RABGEF1: variants seen among roughly 807,000 people sequenced by gnomAD.
RABGEF1 encodes rab5 GDP/GTP exchange factor.
RABGEF1 carries 26 observed loss-of-function variants against 57.3 expected under a neutral mutation model. The observed-to-expected ratio is 0.45, with a 90% CI of 0.33 to 0.63. The LOEUF (loss-of-function observed/expected upper bound fraction) is 0.63, where lower values mean the gene tolerates loss of function less well. Among genes scored for constraint, RABGEF1 ranks in the 20% least tolerant of loss-of-function variants. RABGEF1 has a pLI of 0.02. For missense variants in RABGEF1, 464 were observed against 607.6 expected (o/e 0.76, Z 2.48); for synonymous variants, 185 against 210.7 (o/e 0.88, Z 1.06).
chr7:66,717,758 C>A lies in RABGEF1; in HGVS notation c.-815+5534C>A, dbSNP rs1391020262. On this transcript the variant is annotated intron_variant and NMD_transcript_variant, in intron 2 of 9. Transcript: ENST00000607882. ...TGTATTTTTCAGAGATAGGGTTTTG[C>A]TCTGTTGGCCAGGCTGGTCTCAAAT... 2.0e-5 allele frequency among the ~76,000 whole-genome samples: 3 copies of A among 152,024 alleles called. No individual in the cohort carries two copies. In the East Asian group the frequency reaches 5.8e-4, roughly 29 times the overall value.
intron 2 of RABGEF1, among the ~76,000 whole-genome samples, chr7:66,729,531 C>T (rs1013272827): frequency 6.6e-6 from 1 of 152,136 alleles, no homozygotes; most frequent in African/African-American, 2.4e-5. Context: ...TCCTCACCTT[C>T]AACCTCACCT....
At chr7:66,672,245 AC>A in the RABGEF1 span, among the ~76,000 whole-genome samples, 2 of 136,976 alleles carry the variant, frequency 1.5e-5, no homozygotes, top group Admixed American at 1.5e-4. Context: ...ACGTGGTGAA[AC>A]CCCATCTCTA....
intron 1 of RABGEF1, among the ~76,000 whole-genome samples, chr7:66,752,018 C>T (rs530656180): frequency 6.6e-6 from 1 of 151,970 alleles, no homozygotes; most frequent in Admixed American, 6.6e-5. Context: ...GCAACAAAGA[C>T]CCCATCTATA....
At chr7:66,705,324 C>T (rs1793851859) in intron 1 of RABGEF1, among the ~76,000 whole-genome samples, 1 of 151,922 alleles carries the variant, frequency 6.6e-6, no homozygotes, top group South Asian at 2.1e-4. Flanking sequence ...GAAATCCCAC[C>T]TACTAGGGAG....
intron 1 of RABGEF1, among the ~76,000 whole-genome samples, chr7:66,769,941 T>C (rs1806657420): frequency 1.3e-5 from 2 of 152,192 alleles, no homozygotes; most frequent in African/African-American, 4.8e-5. Flanking sequence ...GCCCTCCCTC[T>C]TTCTGTCATC....
chr7:66,769,526 T>G (rs1272202726), intron 1 of RABGEF1, among the ~76,000 whole-genome samples: 3 of 152,182 alleles, frequency 2.0e-5, no homozygotes, highest in Non-Finnish European at 4.4e-5. Flanking sequence ...AGGAGAACCT[T>G]GTAAAAATAA....
intron 4 of RABGEF1, among the ~76,000 whole-genome samples, chr7:66,791,169 CTTTT>C (rs1812573772): frequency 1.3e-5 from 2 of 152,240 alleles, no homozygotes; most frequent in South Asian, 4.1e-4. Flanking sequence ...GGATTTCTGG[CTTTT>C]TTGTTTGTTT....
intron 1 of RABGEF1, among the ~76,000 whole-genome samples, chr7:66,758,942 A>G (rs944013330): frequency 6.6e-6 from 1 of 152,240 alleles, no homozygotes; most frequent in Non-Finnish European, 1.5e-5. Flanking sequence ...AGCTGTAAAT[A>G]CAGTACAGAC....
chr7:66,727,893 G>A (rs527640805), intron 2 of RABGEF1, among the ~76,000 whole-genome samples: 164 of 152,284 alleles, frequency 1.1e-3, no homozygotes, highest in East Asian at 5.2e-3. Flanking sequence ...ACGCGTGGCT[G>A]CCTCTGGAGC....
the RABGEF1 span, among the ~76,000 whole-genome samples, chr7:66,659,451 C>CAAA: frequency 8.7e-6 from 1 of 114,952 alleles, no homozygotes; most frequent in Non-Finnish European, 1.8e-5. Context: ...GACTCCATCT[C>CAAA]AAAAAAAAAA....
At chr7:66,804,315 A>G (rs868705861) in intron 7 of RABGEF1, among the ~76,000 whole-genome samples, 3 of 152,324 alleles carry the variant, frequency 2.0e-5, no homozygotes, top group Middle Eastern at 3.4e-3. Flanking sequence ...AAAAAGCAGT[A>G]TGCAAATTGG....
At chr7:66,720,592 T>A (rs563119366) in intron 2 of RABGEF1, among the ~76,000 whole-genome samples, 24 of 152,102 alleles carry the variant, frequency 1.6e-4, no homozygotes, top group African/African-American at 5.3e-4. Context: ...TTAAAGCTAA[T>A]ATTTTAATGG....
intron 2 of RABGEF1, among the ~76,000 whole-genome samples, chr7:66,731,579 T>C (rs1797321790): frequency 6.6e-6 from 1 of 151,440 alleles, no homozygotes; most frequent in Non-Finnish European, 1.5e-5. Context: ...TAGCTGGGTA[T>C]GGTGGCACAT....
At chr7:66,672,926 G>GT in the RABGEF1 span, among the ~76,000 whole-genome samples, 1 of 150,216 alleles carries the variant, frequency 6.7e-6, no homozygotes, top group Non-Finnish European at 1.5e-5. Flanking sequence ...TTTGCGGGCT[G>GT]TTTGGGGAAG....
chr7:66,702,210 CT>C (rs1393752648), intron 1 of RABGEF1, among the ~76,000 whole-genome samples: 3 of 152,118 alleles, frequency 2.0e-5, no homozygotes, highest in African/African-American at 7.2e-5. Context: ...GGTTCATGCA[CT>C]TTGCAGAATG....
chr7:66,780,990 A>G (rs929368325), intron 3 of RABGEF1, among the ~76,000 whole-genome samples: 13 of 152,084 alleles, frequency 8.5e-5, no homozygotes, highest in African/African-American at 2.9e-4. Flanking sequence ...ACCTAATCTG[A>G]TAATCTCTGA....
chr7:66,779,533 A>T (rs539969107), intron 3 of RABGEF1, among the ~76,000 whole-genome samples: 1 of 152,108 alleles, frequency 6.6e-6, no homozygotes, highest in Admixed American at 6.6e-5. Context: ...TTAAAAAATT[A>T]GCTGGGCTAG....
At chr7:66,715,295 T>A (rs1795255026) in intron 2 of RABGEF1, among the ~76,000 whole-genome samples, 2 of 152,134 alleles carry the variant, frequency 1.3e-5, no homozygotes. Flanking sequence ...ACCAGGCTAA[T>A]TTTTAAAAAA....
intron 4 of RABGEF1, among the ~76,000 whole-genome samples, chr7:66,792,481 G>A (rs1045514071): frequency 3.3e-5 from 5 of 152,182 alleles, no homozygotes; most frequent in Non-Finnish European, 4.4e-5. Flanking sequence ...GTTCCTATAG[G>A]ATAATGCAGA....
Sources: gnomAD v4.1 joint callset for allele counts (sites outside exome capture counted in the v4.1 genomes callset) on GRCh38, gnomAD v4.1.1 for gene constraint, MANE v1.5 for transcripts, NCBI Gene and HGNC (gene_info 2026-07-23, HGNC 2026-07-21) for gene names.